ZNF24: variants seen among roughly 807,000 people sequenced by gnomAD.
ZNF24 encodes zinc finger protein 24, also known as retinoic acid suppression protein A.
In ZNF24, 11 loss-of-function variants were observed where a neutral mutation model predicts 40.9. The observed-to-expected ratio is 0.27, with a 90% CI of 0.17 to 0.45. The LOEUF is 0.45. ZNF24 is among the 20% of genes least tolerant of loss of function. ZNF24 has a pLI of 1.00. For missense variants in ZNF24, 293 were observed against 437.7 expected (o/e 0.67, Z 2.95); for synonymous variants, 139 against 154.7 (o/e 0.90, Z 0.75).
intron 1 of ZNF24, among the ~76,000 whole-genome samples, chr18:35,343,156 G>A (rs1462667565): frequency 6.6e-6 from 1 of 152,120 alleles, no homozygotes; most frequent in African/African-American, 2.4e-5. Context: ...ACATAATATT[G>A]AAAAGATCAT....
At chr18:35,343,986 G>A (rs1001008754) in intron 1 of ZNF24, 2 of 152,476 alleles carry the variant, frequency 1.3e-5, no homozygotes, top group Admixed American at 1.3e-4. Flanking sequence ...TGCGGCCGGT[G>A]AGACTACAAA....
rs1203724271 is a variant in ZNF24 at position 35,340,346 on chromosome 18, G to A, written c.305C>T (p.Ala102Val). 2.5e-6 allele frequency: 4 copies of A among 1,614,072 alleles called. No homozygotes were observed. Among genetic ancestry groups the A allele is most frequent in the African/African-American group, 1.3e-5 (1 of 74,914 alleles). ...LELVVLEQFVAILPKELQTWV... is the reference protein window; with the variant it reads ...LELVVLEQFVVILPKELQTWV... ...AGTCTGTAGCTCTTTGGGTAGGATG[G>A]CAACAAACTGCTCCAGCACTACCAG... is the stretch of plus-strand genomic sequence containing the variant. The change falls in exon 2 of 4, where the codon GCC becomes GTC. Residue 102 changes from alanine (A) to valine (V), a missense_variant. Ala to Val is a moderately conservative substitution (Grantham distance 64). Transcript: ENST00000261332. The surrounding 1 kb of genome is among the most constrained non-coding windows in gnomAD (Gnocchi z 4.6).
chr18:35,338,778 C>G, intron 3 of ZNF24: 1 of 1,264,196 alleles, frequency 7.9e-7, no homozygotes, highest in Non-Finnish European at 9.9e-7. Context: ...CAGAAATTCC[C>G]AAGTGTGGAA....
chr18:35,335,208 A>G lies in ZNF24; in HGVS notation c.*2024T>C, dbSNP rs145460873. 6.6e-6 allele frequency: 1 copy of G among 152,212 alleles called. No homozygotes were observed. The highest frequency in any genetic ancestry group is 2.4e-5 in the African/African-American group (1 of 41,458). The allele number at this position is 152,212 out of a possible 1,614,324, so 9.4% of individuals were successfully genotyped here. On this transcript the variant is annotated 3_prime_UTR_variant, in exon 4 of 4. Transcript: ENST00000261332. ...GGAAAGAAGCCAGTTATAAATAAAT[A>G]AATCACATCATTTATCTTAGAGCAG...
intron 3 of ZNF24, chr18:35,338,946 TCAG>T: frequency 1.3e-6 from 2 of 1,487,032 alleles, no homozygotes; most frequent in East Asian, 2.5e-5. Flanking sequence ...CTGCAGATTT[TCAG>T]CAGACTTCAG....
chr18:35,339,247 A>T (rs1334291478), intron 3 of ZNF24, among the ~76,000 whole-genome samples: 1 of 152,216 alleles, frequency 6.6e-6, no homozygotes, highest in African/African-American at 2.4e-5. Context: ...TGAGCTTTTA[A>T]AAAAGATTTT....
chr18:35,338,112 T>C, intron 3 of ZNF24: 1 of 917,192 alleles, frequency 1.1e-6, no homozygotes, highest in Non-Finnish European at 1.3e-6. Flanking sequence ...AAAAATAAAA[T>C]AAAATTGGCC....
intron 3 of ZNF24, chr18:35,338,690 G>A (rs2044936019): frequency 2.7e-6 from 3 of 1,096,370 alleles, no homozygotes; most frequent in Non-Finnish European, 3.3e-6. Context: ...TGAAAGGTTA[G>A]AGGAGGATAG....
chr18:35,343,754 A>C (rs2044990423), intron 1 of ZNF24: 1 of 152,304 alleles, frequency 6.6e-6, no homozygotes, highest in Non-Finnish European at 1.5e-5. Flanking sequence ...CGCTTGTGGG[A>C]AATGGAGGGA....
At chr18:35,338,139 A>G in intron 3 of ZNF24, 1 of 979,226 alleles carries the variant, frequency 1.0e-6, no homozygotes, top group Non-Finnish European at 1.2e-6. Flanking sequence ...AAATCATTAT[A>G]ATGTTCTTTT....
rs2044871914 is a variant in ZNF24 at position 35,332,994 on chromosome 18, A to G, written c.*4238T>C. The G allele has an allele frequency of 6.6e-6, 1 of 152,136 alleles. No homozygotes were observed. The highest frequency in any genetic ancestry group is 2.1e-4 in the South Asian group (1 of 4,828). 9.4% of individuals were successfully genotyped at this position (152,136 alleles called of 1,614,324 possible). A position where few individuals can be genotyped will look rare whatever the true frequency, so the allele number is the denominator to read the frequency against. ...AACTATCAAGTGTAGGTATGGTTAT[A>G]TGGGGAAATGAACATTCTCCATACA... On this transcript the variant is annotated 3_prime_UTR_variant, in exon 4 of 4. Transcript: ENST00000261332.
rs2044916927 is a variant in ZNF24 at position 35,337,012 on chromosome 18, A to C, written c.*220T>G. 1 of 407,298 alleles carries C rather than the reference A, an allele frequency of 2.5e-6. No individual in the cohort carries two copies. Among genetic ancestry groups the C allele is most frequent in the East Asian group, 3.6e-5 (1 of 27,730 alleles). The allele number at this position is 407,298 out of a possible 1,614,324, so 25.2% of individuals were successfully genotyped here. On this transcript the variant is annotated 3_prime_UTR_variant, in exon 4 of 4. Transcript: ENST00000261332. ...CATCACATGGAAAATTTAGGCATTAAGACCTGAATTAAGTTTAAAATTTCA... is the reference window on the plus strand; with the variant it reads ...CATCACATGGAAAATTTAGGCATTACGACCTGAATTAAGTTTAAAATTTCA...
intron 1 of ZNF24, among the ~76,000 whole-genome samples, 185 bp downstream of exon 1, chr18:35,344,175 C>G (rs905825848): frequency 2.1e-4 from 32 of 152,202 alleles, no homozygotes; most frequent in African/African-American, 7.0e-4. Flanking sequence ...GCCGAAGACC[C>G]AAGCAGGCCT....
intron 3 of ZNF24, 74 bp downstream of exon 3, chr18:35,339,755 G>A: frequency 7.3e-7 from 1 of 1,370,372 alleles, no homozygotes. Flanking sequence ...CCACCAGTGA[G>A]AACAAGCAAA....
At chr18:35,339,296 T>G (rs780834472) in intron 3 of ZNF24, among the ~76,000 whole-genome samples, 1 of 152,238 alleles carries the variant, frequency 6.6e-6, no homozygotes, top group Non-Finnish European at 1.5e-5. Context: ...GAGGCTTTTT[T>G]TGCATAAATA....
rs751459673 is a variant in ZNF24 at position 35,340,531 on chromosome 18, G to C, written c.120C>G (p.Ile40Met). 6.2e-6 allele frequency: 10 copies of C among 1,614,068 alleles called. No individual in the cohort carries two copies. The highest frequency in any genetic ancestry group is 7.6e-6 in the Non-Finnish European group (9 of 1,180,046). ...EDPDGEEGSS[I>M]PWNHLPDPEI... Reference sequence around the variant, plus strand: ...CTGGGTCTGGGAGATGGTTCCAGGGGATACTTGATCCCTCTTCGCCATCAG... The same window carrying C: ...CTGGGTCTGGGAGATGGTTCCAGGGCATACTTGATCCCTCTTCGCCATCAG... Residue 40 changes from isoleucine (I) to methionine (M), a missense_variant, in exon 2 of 4, where the codon ATC becomes ATG. Transcript: ENST00000261332. The surrounding 1 kb of genome is among the most constrained non-coding windows in gnomAD (Gnocchi z 4.6).
rs1434747103 is a variant in ZNF24, at chr18:35,333,982, CTACTTTA to C, written c.*3243_*3249del. ...AGTGCATGTGAAATGGGGTTATGTCCTACTTTATACGGTAGCTGAGGATTAAGAGTTA... is the reference window on the plus strand; with the variant it reads ...AGTGCATGTGAAATGGGGTTATGTCCTACGGTAGCTGAGGATTAAGAGTTA... On this transcript the variant is annotated 3_prime_UTR_variant, in exon 4 of 4. Coordinates refer to ENST00000261332, the MANE Select transcript of ZNF24 (RefSeq NM_006965.4). 6.6e-6 allele frequency: 1 copy of C among 152,146 alleles called. No individual in the cohort carries two copies. The highest frequency in any genetic ancestry group is 6.5e-5 in the Admixed American group (1 of 15,270). 9.4% of individuals were successfully genotyped at this position (152,146 alleles called of 1,614,324 possible).
intron 1 of ZNF24, among the ~76,000 whole-genome samples, chr18:35,341,660 C>T (rs1036413523): frequency 6.6e-6 from 1 of 152,098 alleles, no homozygotes; most frequent in African/African-American, 2.4e-5. Flanking sequence ...TACTGATAAT[C>T]CAGACCCTGT....
In ZNF24 at chr18:35,340,195, T is replaced by C; in HGVS notation, c.420+36A>G. 6.3e-7 allele frequency: 1 copy of C among 1,597,910 alleles called. No individual in the cohort carries two copies. Among genetic ancestry groups the C allele is most frequent in the South Asian group, 1.1e-5 (1 of 89,878 alleles). ...CAGCTTTGCCTACTACCTATGCCAG[T>C]GCTTCTGACACAGGAAATGACACAA... On this transcript the variant is annotated intron_variant, in intron 2 of 3. Transcript: ENST00000261332. This position sits in a 1 kb window ranked among gnomAD's most constrained non-coding sequence, Gnocchi z 4.6.
Sources: allele counts gnomAD v4.1 joint callset (sites outside exome capture counted in the v4.1 genomes callset), GRCh38; gene constraint gnomAD v4.1.1; non-coding constraint Gnocchi (gnomAD v3.1); transcripts MANE v1.5; gene names NCBI Gene and HGNC (gene_info 2026-07-23, HGNC 2026-07-21).